The following CCDC88A variants were observed in gnomAD, a reference collection of about 807,000 sequenced individuals.
CCDC88A encodes girdin.
CCDC88A carries 54 observed loss-of-function variants against 234.3 expected under a neutral mutation model. The ratio of observed to expected loss-of-function variants is 0.23; its 90% CI spans 0.19 to 0.29. The LOEUF (loss-of-function observed/expected upper bound fraction) is 0.29, where lower values mean the gene tolerates loss of function less well. Ranked by LOEUF, CCDC88A falls within the 10% of genes least tolerant of loss-of-function variation. The pLI is 1.00. For synonymous variants in CCDC88A, 753 were observed against 737.8 expected (o/e 1.02, Z -0.33); for missense variants, 1,832 against 2,123.4 (o/e 0.86, Z 2.70).
intron 7 of CCDC88A, among the ~76,000 whole-genome samples, chr2:55,360,854 G>A (rs779643700): frequency 1.3e-5 from 2 of 152,140 alleles, no homozygotes; most frequent in East Asian, 1.9e-4. Flanking sequence ...TTGGAAGACC[G>A]AGGAGGGAAG....
chr2:55,400,978 A>G (rs113341634), intron 2 of CCDC88A, among the ~76,000 whole-genome samples: 1 of 152,358 alleles, frequency 6.6e-6, no homozygotes, highest in Non-Finnish European at 1.5e-5. Context: ...TGCATAAACC[A>G]GAATGTTTGC....
At chr2:55,401,181 G>C (rs1678548773) in intron 2 of CCDC88A, among the ~76,000 whole-genome samples, 1 of 151,688 alleles carries the variant, frequency 6.6e-6, no homozygotes, top group Non-Finnish European at 1.5e-5. Flanking sequence ...CATAATCCCA[G>C]CACTTTGGGA....
rs867763841 is a variant in CCDC88A at position 55,388,601 on chromosome 2, G to A, written c.273+177C>T. On this transcript the variant is annotated intron_variant, in intron 3 of 32. Coordinates refer to ENST00000436346, the MANE Select transcript of CCDC88A (RefSeq NM_001365480.1). ...AACATTAGAAAATTATTAAATGCTT[G>A]CTTAAGCCTTTAACATTCATAAAAA... is the stretch of plus-strand genomic sequence containing the variant. 66 of 371,318 alleles carry A rather than the reference G, an allele frequency of 1.8e-4. No homozygotes were observed. In the Middle Eastern group the frequency reaches 3.8e-3, roughly 21 times the overall value. The allele number at this position is 371,318 out of a possible 1,614,324, so 23.0% of individuals were successfully genotyped here. A position where few individuals can be genotyped will look rare whatever the true frequency, so the allele number is the denominator to read the frequency against.
At chr2:55,396,669 G>C (rs1677632665) in intron 2 of CCDC88A, among the ~76,000 whole-genome samples, 1 of 152,016 alleles carries the variant, frequency 6.6e-6, no homozygotes, top group Non-Finnish European at 1.5e-5. Flanking sequence ...TGGAGATCGA[G>C]ACCATCCTGG....
chr2:55,298,931 G>A (rs1281451684), intron 29 of CCDC88A, among the ~76,000 whole-genome samples: 5 of 151,298 alleles, frequency 3.3e-5, no homozygotes, highest in African/African-American at 1.2e-4. Flanking sequence ...CGGGCAAGGT[G>A]GCTCACACCT....
chr2:55,327,251 T>C (rs189764811), intron 17 of CCDC88A, among the ~76,000 whole-genome samples: 6 of 152,278 alleles, frequency 3.9e-5, no homozygotes, highest in Admixed American at 2.0e-4. Context: ...TACTAGATAA[T>C]ATTGCTTATT....
chr2:55,375,468 A>AATATATATATAT (rs1558768191), intron 3 of CCDC88A, among the ~76,000 whole-genome samples: 3 of 129,718 alleles, frequency 2.3e-5, no homozygotes, highest in Non-Finnish European at 3.1e-5. Context: ...CTGTCACTGT[A>AATATATATATAT]CTATATATAT....
Position 55,289,114 on chromosome 2 carries a change from C to CT in CCDC88A, c.*2085dup, listed in dbSNP as rs772222152. On this transcript the variant is annotated 3_prime_UTR_variant, in exon 33 of 33. Transcript: ENST00000436346. ...TACACGTTGTTTTCAGCATTTTCTG[C>CT]TTGAAGCACTAATGCACTTAACCCA... 3 of 152,580 alleles carry CT rather than the reference C, an allele frequency of 2.0e-5. No individual in the cohort carries two copies. Among genetic ancestry groups the CT allele is most frequent in the Non-Finnish European group, 4.4e-5 (3 of 68,012 alleles). The allele number at this position is 152,580 out of a possible 1,614,324, so 9.5% of individuals were successfully genotyped here. A position where few individuals can be genotyped will look rare whatever the true frequency, so the allele number is the denominator to read the frequency against.
chr2:55,386,311 G>T (rs966636225), intron 3 of CCDC88A, among the ~76,000 whole-genome samples: 18 of 151,234 alleles, frequency 1.2e-4, no homozygotes, highest in African/African-American at 4.4e-4. Flanking sequence ...ATACTTAAAA[G>T]TATTTCATCC....
intron 31 of CCDC88A, chr2:55,294,499 A>G (rs1012776555): frequency 1.1e-6 from 1 of 937,256 alleles, no homozygotes; most frequent in South Asian, 4.9e-5. Context: ...ATTATTAACT[A>G]TTTCTTTAAA....
At position 55,372,232 on chromosome 2, in the gene CCDC88A, T is replaced by G. The variant is rs573328825; in HGVS notation, c.402+220A>C. ...GAATAAGGAAAAGAGTAATTAAATA[T>G]TTTAAATGATATGACTATGATAATG... On this transcript the variant is annotated intron_variant, in intron 5 of 32. Coordinates refer to ENST00000436346, the MANE Select transcript of CCDC88A (RefSeq NM_001365480.1). Among the ~76,000 whole-genome samples the G allele has an allele frequency of 1.3e-3, 195 of 152,292 alleles. 1 individual carries two copies. In the Middle Eastern group the frequency reaches 0.02, roughly 16 times the overall value.
chr2:55,359,502 T>C (rs17735450), intron 7 of CCDC88A, among the ~76,000 whole-genome samples: 5,362 of 151,914 alleles, frequency 0.035, 133 homozygotes, highest in South Asian at 0.058. Context: ...ATTTTCAAAA[T>C]AGTCTGACTC....
chr2:55,369,404 T>C (rs1672496238), intron 5 of CCDC88A, among the ~76,000 whole-genome samples: 1 of 150,284 alleles, frequency 6.7e-6, no homozygotes, highest in African/African-American at 2.5e-5. Context: ...CTCTCCAGTC[T>C]AATACCTTGC....
intron 2 of CCDC88A, among the ~76,000 whole-genome samples, chr2:55,396,869 C>CAAA (rs34500780): frequency 3.1e-4 from 18 of 58,862 alleles, no homozygotes; most frequent in South Asian, 7.4e-4. Context: ...GACTCCATCT[C>CAAA]AAAAAAAAAA....
intron 2 of CCDC88A, among the ~76,000 whole-genome samples, chr2:55,416,439 AATAAATATATATATATATATAT>A (rs1681439654): frequency 3.9e-5 from 1 of 25,586 alleles, no homozygotes; most frequent in Non-Finnish European, 7.7e-5. Context: ...TAAATAAATA[AATAAATATATATATATATATAT>A]ATATATATAT....
intron 2 of CCDC88A, among the ~76,000 whole-genome samples, chr2:55,394,957 TGCCTTA>T (rs1677287448): frequency 6.6e-6 from 1 of 152,096 alleles, no homozygotes; most frequent in African/African-American, 2.4e-5. Context: ...GTGATTCTCC[TGCCTTA>T]GCCTCCCGAG....
chr2:55,316,472 T>C (rs182887860), intron 21 of CCDC88A, among the ~76,000 whole-genome samples: 146 of 152,206 alleles, frequency 9.6e-4, no homozygotes, highest in Admixed American at 2.8e-3. Flanking sequence ...TCCCAGCATT[T>C]TGGGAGGTAG....
At chr2:55,418,542 C>A in intron 2 of CCDC88A, 1 of 438,282 alleles carries the variant, frequency 2.3e-6, no homozygotes, top group Non-Finnish European at 4.1e-6. Flanking sequence ...AAAGAATACA[C>A]AATGTGGCTT....
chr2:55,366,788 A>C (rs1188887629), intron 5 of CCDC88A, among the ~76,000 whole-genome samples: 1 of 152,214 alleles, frequency 6.6e-6, no homozygotes, highest in Non-Finnish European at 1.5e-5. Context: ...GAAAAGCTAT[A>C]CTAAAATAGA....
Sources: allele counts gnomAD v4.1 joint callset (sites outside exome capture counted in the v4.1 genomes callset), GRCh38; gene constraint gnomAD v4.1.1; transcripts MANE v1.5; gene names NCBI Gene and HGNC (gene_info 2026-07-23, HGNC 2026-07-21).